Variants in ASCC2 observed in about 807,000 individuals in gnomAD.
ASCC2 encodes activating signal cointegrator 1 complex subunit 2.
ASCC2 carries 42 observed loss-of-function variants against 93.5 expected under a neutral mutation model. The ratio of observed to expected loss-of-function variants is 0.45; its 90% CI spans 0.35 to 0.58. The LOEUF is 0.58. Among genes scored for constraint, ASCC2 ranks in the 20% least tolerant of loss-of-function variants. The pLI is 0.00. For synonymous variants in ASCC2, 364 were observed against 384.2 expected, an observed-to-expected ratio of 0.95 and a Z score of 0.62; for missense variants, 859 against 977.6, an observed-to-expected ratio of 0.88 and a Z score of 1.62.
intron 2 of ASCC2, among the ~76,000 whole-genome samples, chr22:29,829,915 T>C (rs189712876): frequency 4.8e-4 from 73 of 152,256 alleles, no homozygotes; most frequent in South Asian, 1.5e-3. Flanking sequence ...AAAGGTGGTG[T>C]GGTAACTACC....
At chr22:29,822,522 A>G in intron 4 of ASCC2, 58 bp from the exon 5 acceptor site, 1 of 1,590,988 alleles carries the variant, frequency 6.3e-7, no homozygotes, top group Non-Finnish European at 8.6e-7. Context: ...TACATTATAA[A>G]TAGCAAACTC....
chr22:29,788,801 T>G lies in ASCC2; in HGVS notation c.*212A>C. 1 of 585,332 alleles carries G rather than the reference T, an allele frequency of 1.7e-6. No homozygotes were observed. Among genetic ancestry groups the G allele is most frequent in the South Asian group, 2.1e-5 (1 of 48,024 alleles). 36.3% of individuals were successfully genotyped at this position (585,332 alleles called of 1,614,324 possible). A position where few individuals can be genotyped will look rare whatever the true frequency, so the allele number is the denominator to read the frequency against. On this transcript the variant is annotated 3_prime_UTR_variant, in exon 20 of 20. Transcript: ENST00000307790. ...GGTGCCTGCTTGCCGGCCCCACGGA[T>G]TCTTCGGCTGTGGCATAAGGCACTG...
At chr22:29,813,227 T>C (rs141884818) in intron 8 of ASCC2, among the ~76,000 whole-genome samples, 4,335 of 152,158 alleles carry the variant, frequency 0.028, 103 homozygotes, top group South Asian at 0.035. Context: ...ATCCTGGTCT[T>C]GGCCAAAAAC....
At chr22:29,812,273 T>C (rs2147927789) in intron 8 of ASCC2, among the ~76,000 whole-genome samples, 1 of 152,104 alleles carries the variant, frequency 6.6e-6, no homozygotes, top group Middle Eastern at 3.4e-3. Context: ...CTTGCTAGAG[T>C]GACAATCAGA....
chr22:29,797,891 G>C (rs1435362403), intron 15 of ASCC2, among the ~76,000 whole-genome samples: 1 of 152,026 alleles, frequency 6.6e-6, no homozygotes, highest in Non-Finnish European at 1.5e-5. Flanking sequence ...TCAGCCTCCC[G>C]AGTAACTGAG....
intron 17 of ASCC2, among the ~76,000 whole-genome samples, chr22:29,792,803 T>C (rs1455904071): frequency 6.6e-6 from 1 of 151,294 alleles, no homozygotes; most frequent in Non-Finnish European, 1.5e-5. Flanking sequence ...CTTGGATCTG[T>C]ATTGGGGAAT....
chr22:29,834,643 G>A, intron 1 of ASCC2: 1 of 444,106 alleles, frequency 2.3e-6, no homozygotes, highest in South Asian at 1.6e-5. Context: ...ATCCTCTGCT[G>A]CACGTATTTC....
intron 2 of ASCC2, among the ~76,000 whole-genome samples, chr22:29,830,343 C>T (rs767605518): frequency 1.7e-4 from 26 of 152,288 alleles, no homozygotes; most frequent in Middle Eastern, 3.4e-3. Context: ...GAAATGAACA[C>T]GAAGCCTGTA....
intron 14 of ASCC2, 37 bp downstream of exon 14, chr22:29,801,957 T>G (rs2059135231): frequency 6.5e-7 from 1 of 1,543,510 alleles, no homozygotes; most frequent in Non-Finnish European, 8.8e-7. Flanking sequence ...CGAGGCAGCC[T>G]GGGCAGCGGG....
chr22:29,818,143 C>T (rs887096577), intron 5 of ASCC2, among the ~76,000 whole-genome samples: 1 of 150,816 alleles, frequency 6.6e-6, no homozygotes, highest in Non-Finnish European at 1.5e-5. Flanking sequence ...TGGGCTTCTA[C>T]TCACAGAACA....
intron 9 of ASCC2, 114 bp downstream of exon 9, chr22:29,807,997 C>T: frequency 9.7e-7 from 1 of 1,033,140 alleles, no homozygotes; most frequent in Non-Finnish European, 1.5e-6. Context: ...GCTGCACAGT[C>T]CCTGGTCCCA....
At position 29,822,404 on chromosome 22, in the gene ASCC2, T is replaced by A. The variant is rs772789494; in HGVS notation, c.472A>T (p.Ile158Phe). 6.2e-7 allele frequency: 1 copy of A among 1,613,914 alleles called. No homozygotes were observed. The highest frequency in any genetic ancestry group is 1.3e-5 in the African/African-American group (1 of 74,886). ...EILYNNFLFD[I>F]PKILDLCVLF... ...ACGCAGAGGTCCAGGATCTTTGGAATGTCAAAGAGGAAGTTATTGTAGAGG... is the reference window on the plus strand; with the variant it reads ...ACGCAGAGGTCCAGGATCTTTGGAAAGTCAAAGAGGAAGTTATTGTAGAGG... Residue 158 changes from isoleucine (I) to phenylalanine (F), a missense_variant, in exon 5 of 20, where the codon ATT becomes TTT. Coordinates refer to ENST00000307790, the MANE Select transcript of ASCC2 (RefSeq NM_032204.5).
chr22:29,816,894 G>C (rs903795779), intron 5 of ASCC2, among the ~76,000 whole-genome samples: 1 of 152,154 alleles, frequency 6.6e-6, no homozygotes, highest in Non-Finnish European at 1.5e-5. Context: ...AAGCAGCCAG[G>C]GTTCTTGGCC....
chr22:29,834,676 G>C, intron 1 of ASCC2: 1 of 399,208 alleles, frequency 2.5e-6, no homozygotes. Context: ...TGTCTTACTA[G>C]CCTCTCACAA....
intron 8 of ASCC2, among the ~76,000 whole-genome samples, chr22:29,810,485 A>G (rs1233467487): frequency 6.6e-6 from 1 of 152,218 alleles, no homozygotes; most frequent in Non-Finnish European, 1.5e-5. Context: ...GGCAGGCCCT[A>G]CTAGGCCCAC....
chr22:29,836,653 C>T lies in ASCC2; in HGVS notation c.-18+1525G>A, dbSNP rs574221524. On this transcript the variant is annotated intron_variant, in intron 1 of 19. Coordinates refer to ENST00000307790, the MANE Select transcript of ASCC2 (RefSeq NM_032204.5). ...TCGGCTCACTGCCACCTCTGTCTCCCGGGTTCAAGAGATTCTCCTGCCTCA... is the reference window on the plus strand; with the variant it reads ...TCGGCTCACTGCCACCTCTGTCTCCTGGGTTCAAGAGATTCTCCTGCCTCA... Among the ~76,000 whole-genome samples, 271 of 152,114 alleles carry T rather than the reference C, an allele frequency of 1.8e-3. 1 individual carries two copies. Among genetic ancestry groups the T allele is most frequent in the Non-Finnish European group, 3.0e-3 (203 of 67,994 alleles).
chr22:29,790,637 C>T (rs1168151969), intron 18 of ASCC2, 89 bp from the exon 19 acceptor site: 5 of 1,340,436 alleles, frequency 3.7e-6, no homozygotes, highest in East Asian at 2.4e-5. Flanking sequence ...TGAAGCTTGT[C>T]GATGCCTCCA....
chr22:29,818,513 T>G (rs1481166098), intron 5 of ASCC2, among the ~76,000 whole-genome samples: 1 of 150,510 alleles, frequency 6.6e-6, no homozygotes, highest in Non-Finnish European at 1.5e-5. Context: ...CCTGACTTCT[T>G]TTGTGCTGAC....
rs373526969 is a variant in ASCC2, at chr22:29,801,077, C to T, written c.1602G>A (p.Thr534=). 59 of 1,608,382 alleles carry T rather than the reference C, an allele frequency of 3.7e-5. No homozygotes were observed. Among genetic ancestry groups the T allele is most frequent in the South Asian group, 1.2e-4 (11 of 90,862 alleles). Residue 534 remains threonine (T), a synonymous_variant, in exon 15 of 20, where the codon ACG becomes ACA. Coordinates refer to ENST00000307790, the MANE Select transcript of ASCC2 (RefSeq NM_032204.5). ...EMKPDPTPLL[T]SRHNVFQNDE... is the part of the protein sequence containing the mutation. ...CATTCTGGAAGACGTTGTGGCGAGA[C>T]GTCAGCAGGGGTGTAGGGTCTGGTT...
Sources: gnomAD v4.1 joint callset for allele counts (sites outside exome capture counted in the v4.1 genomes callset) on GRCh38, gnomAD v4.1.1 for gene constraint, MANE v1.5 for transcripts, NCBI Gene and HGNC (gene_info 2026-07-23, HGNC 2026-07-21) for gene names.